The following PWP1 variants were observed in gnomAD, a reference collection of about 807,000 sequenced individuals.
The protein encoded by PWP1 is PWP1 homolog, endonuclein.
In PWP1, 47 loss-of-function variants were observed where a neutral mutation model predicts 69.9. The observed-to-expected ratio is 0.67, with a 90% CI of 0.53 to 0.86. The LOEUF (loss-of-function observed/expected upper bound fraction) is 0.86, where lower values mean the gene tolerates loss of function less well. PWP1 is among the 40% of genes least tolerant of loss of function. The pLI is 0.00. For missense variants in PWP1, 551 were observed against 608.8 expected (o/e 0.91, Z 1.00); for synonymous variants, 222 against 208.2 (o/e 1.07, Z -0.57).
chr12:107,689,533 G>A (rs1412092378), intron 3 of PWP1, among the ~76,000 whole-genome samples: 1 of 152,190 alleles, frequency 6.6e-6, no homozygotes, highest in Non-Finnish European at 1.5e-5. Flanking sequence ...ATCACTTGAG[G>A]TCAGGAGTTC....
In PWP1 at chr12:107,710,432, C is replaced by T; in HGVS notation, c.1318C>T (p.Pro440Ser). 6.2e-7 allele frequency: 1 copy of T among 1,613,266 alleles called. No homozygotes were observed. The highest frequency in any genetic ancestry group is 8.5e-7 in the Non-Finnish European group (1 of 1,179,614). ...AGTTCTCTTCTGTTCTTCATGTTGC[C>T]CTGATTTGCCATTTATTTATGCCTT... ...MGVLFCSSCC[P>S]DLPFIYAFGG... is the part of the protein sequence containing the mutation. The change falls in exon 14 of 15, where the codon CCT becomes TCT. Residue 440 changes from proline (P) to serine (S), a missense_variant. Physicochemically the swap from Pro to Ser is moderately conservative, Grantham distance 74 (BLOSUM62 -1). Transcript: ENST00000412830.
chr12:107,712,131 C>T lies in PWP1; in HGVS notation c.1417C>T (p.Arg473Ter), dbSNP rs199564672. The T allele has an allele frequency of 4.0e-5, 64 of 1,613,824 alleles. No homozygotes were observed. In the African/African-American group the frequency reaches 6.1e-4, roughly 15 times the overall value. ...TTTAGTAAATGAAGCATTTGGAAGA[C>T]GAGAGAGGCTTGTTCTTGGGAGTGC... ...VSSVNEAFGR[R>*]ERLVLGSARN... The change falls in exon 15 of 15, where the codon CGA (arginine) becomes TGA (stop). Residue 473 changes from arginine to a stop codon, truncating the protein, a stop_gained. Coordinates refer to ENST00000412830, the MANE Select transcript of PWP1 (RefSeq NM_007062.3). LOFTEE classifies it high-confidence loss of function.
At chr12:107,696,802 C>T (rs1344741257) in intron 6 of PWP1, among the ~76,000 whole-genome samples, 5 of 152,188 alleles carry the variant, frequency 3.3e-5, no homozygotes, top group Admixed American at 1.3e-4. Context: ...GAGGTAGCTG[C>T]TCTACTACAG....
rs1889349744 is a variant in PWP1, at chr12:107,685,813, G to T, written c.-87G>T. The T allele has an allele frequency of 2.1e-6, 3 of 1,458,576 alleles. No homozygotes were observed. The highest frequency in any genetic ancestry group is 2.9e-6 in the Non-Finnish European group (3 of 1,043,458). 90.4% of individuals were successfully genotyped at this position (1,458,576 alleles called of 1,614,324 possible). On this transcript the variant is annotated 5_prime_UTR_variant, in exon 1 of 15. Transcript: ENST00000412830. ...TCTGCCCTGGCAGCGGCCCTGTGCA[G>T]ATCCCTGAGCGTGTGGCAGCAGTGC...
At chr12:107,704,776 T>C (rs1889781794) in intron 11 of PWP1, 29 bp downstream of exon 11, 2 of 1,570,972 alleles carry the variant, frequency 1.3e-6, no homozygotes, top group Non-Finnish European at 1.8e-6. Context: ...TTGTTTTGCT[T>C]TTCTAGGTTG....
chr12:107,700,997 T>G (rs892467542), intron 8 of PWP1, among the ~76,000 whole-genome samples: 1 of 152,198 alleles, frequency 6.6e-6, no homozygotes, highest in African/African-American at 2.4e-5. Context: ...CCCAAGTCAC[T>G]TGGAGTACAG....
At chr12:107,709,275 C>G in intron 13 of PWP1, 43 bp downstream of exon 13, 2 of 1,584,718 alleles carry the variant, frequency 1.3e-6, no homozygotes, top group Non-Finnish European at 1.7e-6. Flanking sequence ...TATTCTGTTT[C>G]TGACCTTGTC....
intron 9 of PWP1, among the ~76,000 whole-genome samples, chr12:107,703,269 A>G (rs1436401690): frequency 6.6e-6 from 1 of 152,208 alleles, no homozygotes; most frequent in Non-Finnish European, 1.5e-5. Context: ...GTGCCCTGTA[A>G]CATATTTATA....
chr12:107,697,460 C>T lies in PWP1; in HGVS notation c.614-7C>T. The T allele has an allele frequency of 6.4e-7, 1 of 1,571,812 alleles. No individual in the cohort carries two copies. ...TGTAATCATACATGCATTGTTTCCT[C>T]CCATAGGAAATTACATTGCTGTAGG... On this transcript the variant is annotated splice_polypyrimidine_tract_variant and splice_region_variant and intron_variant, in intron 6 of 14. Coordinates refer to ENST00000412830, the MANE Select transcript of PWP1 (RefSeq NM_007062.3).
chr12:107,707,641 C>T (rs1318764967), intron 11 of PWP1, among the ~76,000 whole-genome samples: 2 of 152,130 alleles, frequency 1.3e-5, no homozygotes, highest in Admixed American at 1.3e-4. Flanking sequence ...TTTTCTGCAT[C>T]TATTGAGATA....
At chr12:107,692,079 T>C (rs1046028984) in intron 3 of PWP1, among the ~76,000 whole-genome samples, 2 of 152,166 alleles carry the variant, frequency 1.3e-5, no homozygotes, top group Non-Finnish European at 2.9e-5. Flanking sequence ...GAGAAACAAA[T>C]AACCCAGCCT....
rs989449247 is a variant in PWP1, at chr12:107,698,091, G to A, written c.744+494G>A. 2.6e-5 allele frequency among the ~76,000 whole-genome samples: 4 copies of A among 152,076 alleles called. No homozygotes were observed. In the South Asian group the frequency reaches 8.3e-4, roughly 32 times the overall value. ...AGAACTGCTAGGCCAGGCCACGCAC[G>A]TGGCTCACTCCTGTAATCCCAGCAG... On this transcript the variant is annotated intron_variant, in intron 7 of 14. Transcript: ENST00000412830.
intron 14 of PWP1, among the ~76,000 whole-genome samples, chr12:107,711,609 A>G (rs7965275): frequency 0.18 from 28,112 of 152,060 alleles, 3,640 homozygotes; most frequent in East Asian, 0.52. Flanking sequence ...CTGGCTGCTT[A>G]TTTATTACTT....
intron 14 of PWP1, 142 bp from the exon 15 acceptor site, chr12:107,711,969 A>G (rs1458349967): frequency 3.5e-5 from 22 of 624,324 alleles, no homozygotes; most frequent in Non-Finnish European, 2.8e-6. Context: ...TTCATTCAGA[A>G]CATTAACTTG....
chr12:107,688,780 A>G lies in PWP1; in HGVS notation c.297A>G (p.Lys99=). The change falls in exon 3 of 15, where the codon AAA becomes AAG. Residue 99 remains lysine (K), a synonymous_variant. Coordinates refer to ENST00000412830, the MANE Select transcript of PWP1 (RefSeq NM_007062.3). ...AGCTGGCTGAGTACGACTTAGATAA[A>G]TATGATGAGGAAGGTGACCCAGGTT... is the stretch of plus-strand genomic sequence containing the variant. ...DDELAEYDLD[K]YDEEGDPDAE... 1 of 1,614,020 alleles carries G rather than the reference A, an allele frequency of 6.2e-7. No homozygotes were observed. Among genetic ancestry groups the G allele is most frequent in the Non-Finnish European group, 8.5e-7 (1 of 1,179,952 alleles).
chr12:107,709,191 GGA>G lies in PWP1; in HGVS notation c.1252_1253del (p.Asp418Ter). 1 of 1,613,920 alleles carries G rather than the reference GGA, an allele frequency of 6.2e-7. No individual in the cohort carries two copies. Among genetic ancestry groups the G allele is most frequent in the Non-Finnish European group, 8.5e-7 (1 of 1,179,844 alleles). On this transcript the variant is annotated frameshift_variant, in exon 13 of 15. Coordinates refer to ENST00000412830, the MANE Select transcript of PWP1 (RefSeq NM_007062.3). LOFTEE classifies it high-confidence loss of function. ...ATACGTGAAGATCTGGGACATCTTA[GGA>G]GATAGGCCAAGTCTAGTTCATTCTA... ...DKYVKIWDIL[G>X]DRPSLVHSRD...
chr12:107,707,672 G>C (rs1038827119), intron 11 of PWP1, among the ~76,000 whole-genome samples: 5 of 152,138 alleles, frequency 3.3e-5, no homozygotes, highest in Non-Finnish European at 1.5e-5. Flanking sequence ...TTTTGTCTTT[G>C]GTTCTGTTTA....
At chr12:107,706,875 C>A (rs1889834883) in intron 11 of PWP1, among the ~76,000 whole-genome samples, 1 of 152,166 alleles carries the variant, frequency 6.6e-6, no homozygotes, top group Non-Finnish European at 1.5e-5. Flanking sequence ...ATTGTCTTGG[C>A]AATGTGGGCT....
chr12:107,689,612 G>A (rs887610406), intron 3 of PWP1, among the ~76,000 whole-genome samples: 1 of 152,204 alleles, frequency 6.6e-6, no homozygotes, highest in African/African-American at 2.4e-5. Context: ...CAGGCGTGGT[G>A]GCGCACATCT....
Sources: gnomAD v4.1 joint callset for allele counts (sites outside exome capture counted in the v4.1 genomes callset) on GRCh38, gnomAD v4.1.1 for gene constraint, MANE v1.5 for transcripts, NCBI Gene and HGNC (gene_info 2026-07-23, HGNC 2026-07-21) for gene names.